The following RTN4RL1 variants were observed in gnomAD, a reference collection of about 807,000 sequenced individuals.
RTN4RL1 encodes reticulon 4 receptor like 1, also known as reticulon-4 receptor-like 1.
Under a neutral mutation model 25.6 loss-of-function variants are expected in RTN4RL1, and 7 were observed. The ratio of observed to expected loss-of-function variants is 0.27; its 90% CI spans 0.16 to 0.51. The LOEUF (loss-of-function observed/expected upper bound fraction) is 0.51. Among genes scored for constraint, RTN4RL1 ranks in the 20% least tolerant of loss-of-function variants. The pLI, the probability that RTN4RL1 is intolerant of heterozygous loss-of-function variation, is 0.97. For missense variants in RTN4RL1, 500 were observed against 615.6 expected, an observed-to-expected ratio of 0.81 and a Z score of 1.99; for synonymous variants, 297 against 288.2, an observed-to-expected ratio of 1.03 and a Z score of -0.31.
intron 1 of RTN4RL1, among the ~76,000 whole-genome samples, chr17:2,012,235 T>C (rs567746285): frequency 2.6e-5 from 4 of 152,316 alleles, no homozygotes; most frequent in African/African-American, 9.6e-5. Context: ...CCCTAAACTT[T>C]TCCAAGCGAG....
At chr17:2,003,254 G>A (rs888592787) in intron 1 of RTN4RL1, 15 of 152,398 alleles carry the variant, frequency 9.8e-5, no homozygotes, top group African/African-American at 3.4e-4. Context: ...TGATCCTGCA[G>A]GCTGGCAGAC....
At chr17:1,986,855 C>T (rs1476694319) in intron 1 of RTN4RL1, among the ~76,000 whole-genome samples, 1 of 152,144 alleles carries the variant, frequency 6.6e-6, no homozygotes, top group Non-Finnish European at 1.5e-5. Flanking sequence ...GCTCTGCCCA[C>T]CACATGACAC....
At chr17:1,985,271 C>T (rs2066883049) in intron 1 of RTN4RL1, among the ~76,000 whole-genome samples, 1 of 152,192 alleles carries the variant, frequency 6.6e-6, no homozygotes, top group Non-Finnish European at 1.5e-5. Flanking sequence ...TGCCCTAGGT[C>T]CCCTCCTTCT....
At chr17:2,023,059 G>A (rs2067229386) in intron 1 of RTN4RL1, among the ~76,000 whole-genome samples, 1 of 152,164 alleles carries the variant, frequency 6.6e-6, no homozygotes, top group South Asian at 2.1e-4. Flanking sequence ...CTGCTTGGTG[G>A]CTCATTTTTA....
intron 1 of RTN4RL1, among the ~76,000 whole-genome samples, chr17:1,960,211 C>T (rs1915868544): frequency 6.7e-6 from 1 of 149,000 alleles, no homozygotes; most frequent in Non-Finnish European, 1.5e-5. Context: ...TACCCTGGGC[C>T]ACTCTCTTCT....
Position 1,937,094 on chromosome 17 carries a change from G to A in RTN4RL1, c.728C>T (p.Pro243Leu), listed in dbSNP as rs187193472. 97 of 1,607,324 alleles carry A rather than the reference G, an allele frequency of 6.0e-5. No individual in the cohort carries two copies. In the African/African-American group the frequency reaches 6.4e-4, roughly 11 times the overall value. ...LSELQGECLAPLGALEFLRLN... is the reference protein window; with the variant it reads ...LSELQGECLALLGALEFLRLN... ...GCGGAGGAACTCCAGGGCCCCCAGC[G>A]GGGCCAGGCACTCACCCTGCAGCTC... Residue 243 changes from proline to leucine, a missense_variant, in exon 2 of 2, where the codon CCG (proline) becomes CTG (leucine). Pro to Leu is a moderately conservative substitution (Grantham distance 98). This residue lies in a region of RTN4RL1 where 232 missense variants were observed against 341.1 expected (regional missense o/e 0.68). Transcript: ENST00000331238.
chr17:1,939,205 TA>T (rs200524586), intron 1 of RTN4RL1, among the ~76,000 whole-genome samples: 1,934 of 150,560 alleles, frequency 0.013, 42 homozygotes, highest in African/African-American at 0.044. Flanking sequence ...ACAAAAAAAT[TA>T]GCCGGGCGTG....
At chr17:1,938,058 C>T (rs1455080012) in intron 1 of RTN4RL1, among the ~76,000 whole-genome samples, 1 of 152,160 alleles carries the variant, frequency 6.6e-6, no homozygotes, top group Admixed American at 6.5e-5. Context: ...CAATCACCCC[C>T]ACACCTCCTT....
rs1232984826 is a variant in RTN4RL1, at chr17:2,018,591, T to C, written c.13+6262A>G. Among the ~76,000 whole-genome samples the C allele has an allele frequency of 3.3e-5, 5 of 152,146 alleles. No individual in the cohort carries two copies. The East Asian group carries it at 9.6e-4, about 29-fold the overall frequency. Reference sequence around the variant, plus strand: ...CAAATGTCAGAGAAATCAAGACAGATGGGCACGTGAGACAGTGGAGCACAG... The same window carrying C: ...CAAATGTCAGAGAAATCAAGACAGACGGGCACGTGAGACAGTGGAGCACAG... On this transcript the variant is annotated intron_variant, in intron 1 of 1. Coordinates refer to ENST00000331238, the MANE Select transcript of RTN4RL1 (RefSeq NM_178568.4).
chr17:1,952,846 G>A (rs959997801), intron 1 of RTN4RL1, among the ~76,000 whole-genome samples: 1 of 150,358 alleles, frequency 6.7e-6, no homozygotes, highest in African/African-American at 2.4e-5. Flanking sequence ...GGAGGCTGAG[G>A]GGGGTTGATC....
chr17:1,983,016 G>A (rs1204088512), intron 1 of RTN4RL1, among the ~76,000 whole-genome samples: 1 of 152,088 alleles, frequency 6.6e-6, no homozygotes, highest in Non-Finnish European at 1.5e-5. Flanking sequence ...TTTGGTGGTG[G>A]AGCTATGCTG....
chr17:1,974,806 C>T (rs1417719337), intron 1 of RTN4RL1, among the ~76,000 whole-genome samples: 4 of 152,230 alleles, frequency 2.6e-5, no homozygotes, highest in African/African-American at 7.2e-5. Context: ...TGTCTCCCAT[C>T]GGCTGAACCT....
intron 1 of RTN4RL1, among the ~76,000 whole-genome samples, chr17:1,977,624 G>A (rs1409726395): frequency 6.6e-6 from 1 of 152,174 alleles, no homozygotes; most frequent in Non-Finnish European, 1.5e-5. Context: ...CTGGGGCTGG[G>A]GGAGGGGAGC....
intron 1 of RTN4RL1, among the ~76,000 whole-genome samples, chr17:2,007,729 A>G (rs1304475949): frequency 2.0e-5 from 3 of 150,914 alleles, no homozygotes; most frequent in Non-Finnish European, 4.4e-5. Flanking sequence ...TCAGACCATG[A>G]GGTCAGGAGT....
rs143037475 is a variant in RTN4RL1, at chr17:2,022,847, G to A, written c.13+2006C>T. 3.9e-5 allele frequency among the ~76,000 whole-genome samples: 6 copies of A among 152,316 alleles called. No individual in the cohort carries two copies. In the East Asian group the frequency reaches 9.7e-4, roughly 25 times the overall value. The stretch of plus-strand genomic sequence containing the variant: ...CTGTGCAGGAAGGAAGAAACAGCCC[G>A]AGTGGCAAACACACGTGACTGCTAA... On this transcript the variant is annotated intron_variant, in intron 1 of 1. Coordinates refer to ENST00000331238, the MANE Select transcript of RTN4RL1 (RefSeq NM_178568.4).
chr17:1,985,743 C>T (rs2066884830), intron 1 of RTN4RL1, among the ~76,000 whole-genome samples: 2 of 152,140 alleles, frequency 1.3e-5, no homozygotes, highest in Admixed American at 6.6e-5. Context: ...GGTGCTCTGC[C>T]AATGGAATCC....
At chr17:1,984,142 C>T (rs934979319) in intron 1 of RTN4RL1, among the ~76,000 whole-genome samples, 10 of 152,340 alleles carry the variant, frequency 6.6e-5, no homozygotes, top group African/African-American at 9.6e-5. Flanking sequence ...TCATTTTGAA[C>T]GGGGGCTCCT....
chr17:1,990,855 A>G (rs1160643161), intron 1 of RTN4RL1, among the ~76,000 whole-genome samples: 1 of 152,154 alleles, frequency 6.6e-6, no homozygotes, highest in African/African-American at 2.4e-5. Flanking sequence ...GTTTCGCTCT[A>G]CCTCTTAAAG....
At chr17:2,001,221 C>G (rs2066955663) in intron 1 of RTN4RL1, among the ~76,000 whole-genome samples, 1 of 150,514 alleles carries the variant, frequency 6.6e-6, no homozygotes. Flanking sequence ...GTGCCAGACA[C>G]TGGACTATGT....
Sources: allele counts gnomAD v4.1 joint callset (sites outside exome capture counted in the v4.1 genomes callset), GRCh38; gene constraint gnomAD v4.1.1; regional missense constraint gnomAD v4.1.1; transcripts MANE v1.5; gene names NCBI Gene and HGNC (gene_info 2026-07-23, HGNC 2026-07-21).